Variants in FLII observed in about 807,000 individuals in gnomAD.
FLII encodes the protein protein flightless-1 homolog.
FLII carries 101 observed loss-of-function variants against 156.2 expected under a neutral mutation model. The observed-to-expected ratio is 0.65, with a 90% CI of 0.55 to 0.76. The LOEUF (loss-of-function observed/expected upper bound fraction) is 0.76. FLII is among the 30% of genes least tolerant of loss of function. The pLI is 0.00. For synonymous variants in FLII, 767 were observed against 685.8 expected, an observed-to-expected ratio of 1.12 and a Z score of -1.85; for missense variants, 1,675 against 1,682.8, an observed-to-expected ratio of 1.00 and a Z score of 0.08.
At chr17:18,251,061 TC>T in intron 13 of FLII, 44 bp from the exon 14 acceptor site, 1 of 1,582,604 alleles carries the variant, frequency 6.3e-7, no homozygotes, top group Non-Finnish European at 8.6e-7. Flanking sequence ...ATCCTGGTCT[TC>T]CGGCCACCCC....
chr17:18,256,410 C>A (rs2048418995), intron 3 of FLII, 116 bp downstream of exon 3: 3 of 791,332 alleles, frequency 3.8e-6, no homozygotes, highest in East Asian at 5.4e-5. Flanking sequence ...GCCTCTGAGC[C>A]TGACACGGAG....
intron 11 of FLII, 38 bp downstream of exon 11, chr17:18,251,961 G>A: frequency 6.2e-7 from 1 of 1,605,818 alleles, no homozygotes; most frequent in Non-Finnish European, 8.5e-7. Flanking sequence ...GGCCTGGAGA[G>A]GAGCCCCCGT....
intron 9 of FLII, 119 bp downstream of exon 9, chr17:18,253,182 G>A (rs1341703128): frequency 2.0e-6 from 2 of 988,716 alleles, no homozygotes; most frequent in African/African-American, 3.3e-5. Flanking sequence ...GAAAAGAAAA[G>A]GTGAATTAAC....
In FLII at chr17:18,253,441, C is replaced by T; in HGVS notation, c.873G>A (p.Leu291=). The T allele has an allele frequency of 6.2e-7, 1 of 1,613,870 alleles. No individual in the cohort carries two copies. The highest frequency in any genetic ancestry group is 2.2e-5 in the East Asian group (1 of 44,866). ...LTSLPSAICK[L]SKLKKLYLNS... ...TCAGGTACAGCTTCTTCAGCTTGCT[C>T]AGCTTGCAAATGGCTGACTGGAGGG... is the stretch of plus-strand genomic sequence containing the variant. Residue 291 remains leucine (L), a synonymous_variant, in exon 9 of 30, where the codon CTG becomes CTA. Transcript: ENST00000327031.
rs1406254404 is a variant in FLII, at chr17:18,258,456, G to C, written c.63+172C>G. ...CTCGGTCTCCCCGTACAGGCACTGG[G>C]CGGAGGCCTCGGAGGTCCATTCCTG... is the stretch of plus-strand genomic sequence containing the variant. On this transcript the variant is annotated intron_variant, in intron 1 of 29. Coordinates refer to ENST00000327031, the MANE Select transcript of FLII (RefSeq NM_002018.4). This position sits in a 1 kb window ranked among gnomAD's most constrained non-coding sequence, Gnocchi z 4.2. The C allele has an allele frequency of 4.0e-6, 6 of 1,509,114 alleles. No homozygotes were observed. In the Admixed American group the frequency reaches 1.0e-4, roughly 26 times the overall value. The allele number at this position is 1,509,114 out of a possible 1,614,324, so 93.5% of individuals were successfully genotyped here. A position where few individuals can be genotyped will look rare whatever the true frequency, so the allele number is the denominator to read the frequency against.
At chr17:18,254,365 G>A (rs1382006596) in intron 6 of FLII, among the ~76,000 whole-genome samples, 156 bp downstream of exon 6, 1 of 152,134 alleles carries the variant, frequency 6.6e-6, no homozygotes, top group East Asian at 1.9e-4. Context: ...CTGAGAGGTG[G>A]ACATGATACT....
At chr17:18,253,981 G>A (rs1023270266) in intron 7 of FLII, 98 bp downstream of exon 7, 21 of 903,260 alleles carry the variant, frequency 2.3e-5, no homozygotes, top group Middle Eastern at 2.2e-4. Flanking sequence ...TTCCCTCTGG[G>A]TATTGGTCCG....
intron 6 of FLII, 145 bp downstream of exon 6, chr17:18,254,376 T>C: frequency 1.2e-6 from 1 of 849,506 alleles, no homozygotes; most frequent in Non-Finnish European, 1.8e-6. Flanking sequence ...ACATGATACT[T>C]AGGAGGTTGT....
chr17:18,258,718 C>G lies in FLII; in HGVS notation c.-28G>C, dbSNP rs2048506622. The G allele has an allele frequency of 2.1e-6, 3 of 1,412,562 alleles. No individual in the cohort carries two copies. Among genetic ancestry groups the G allele is most frequent in the East Asian group, 6.1e-5 (2 of 32,576 alleles). 87.5% of individuals were successfully genotyped at this position (1,412,562 alleles called of 1,614,324 possible). A position where few individuals can be genotyped will look rare whatever the true frequency, so the allele number is the denominator to read the frequency against. ...CGCCGCTCTCGCTGCCGGGCCGCGC[C>G]GGGCTAGGGAGCGCCGGGGCGAGGG... On this transcript the variant is annotated 5_prime_UTR_variant, in exon 1 of 30. Coordinates refer to ENST00000327031, the MANE Select transcript of FLII (RefSeq NM_002018.4). This position sits in a 1 kb window ranked among gnomAD's most constrained non-coding sequence, Gnocchi z 4.2.
intron 4 of FLII, 28 bp from the exon 5 acceptor site, chr17:18,254,882 AG>A (rs1489096055): frequency 6.2e-7 from 1 of 1,610,052 alleles, no homozygotes; most frequent in East Asian, 2.2e-5. Flanking sequence ...GACCCAGGTC[AG>A]GGGAGTCTCC....
Position 18,258,486 on chromosome 17 carries a change from G to A in FLII, c.63+142C>T. The A allele has an allele frequency of 2.7e-6, 4 of 1,507,138 alleles. No homozygotes were observed. In the East Asian group the frequency reaches 8.1e-5, roughly 30 times the overall value. 93.4% of individuals were successfully genotyped at this position (1,507,138 alleles called of 1,614,324 possible). On this transcript the variant is annotated intron_variant, in intron 1 of 29. Coordinates refer to ENST00000327031, the MANE Select transcript of FLII (RefSeq NM_002018.4). The surrounding 1 kb of genome is among the most constrained non-coding windows in gnomAD (Gnocchi z 4.2). The stretch of plus-strand genomic sequence containing the variant: ...GGCCTCGGAGGTCCATTCCTGGCCA[G>A]GGGAGAGCCCCACCCCGCCCCGGCC...
chr17:18,251,114 G>A (rs2142837916), intron 13 of FLII, 97 bp from the exon 14 acceptor site: 3 of 1,446,668 alleles, frequency 2.1e-6, no homozygotes, highest in Non-Finnish European at 2.8e-6. Flanking sequence ...CAGCCCCAGG[G>A]GCTTTGTACT....
Position 18,245,355 on chromosome 17 carries a change from T to C in FLII, c.3674A>G (p.Gln1225Arg), listed in dbSNP as rs991598259. The change falls in exon 29 of 30, where the codon CAG becomes CGG. Residue 1225 changes from glutamine to arginine, a missense_variant and splice_region_variant. Gln to Arg is a conservative substitution (Grantham distance 43). Around this residue, in one of 2 missense-constraint regions of FLII, gnomAD observed 1,332 missense variants for 1,269.3 expected, o/e 1.05. Transcript: ENST00000327031. ...VEIKLSLKAC[Q>R]VYIQHMRSKE... ...CGGCCCTCCCTCCACCCAGATTACC[T>C]GGCAGGCCTTCAGGCTCAGCTTGAT... 8.7e-6 allele frequency: 14 copies of C among 1,614,086 alleles called. No homozygotes were observed. The Admixed American group carries it at 1.2e-4, about 13-fold the overall frequency.
At position 18,247,217 on chromosome 17, in the gene FLII, G is replaced by A. The variant is rs747755588; in HGVS notation, c.2628C>T (p.Asp876=). ...GCCGCGGCAGGAAAAGCGCAGTGAG[G>A]TCAGCCTTCATCTGGTCTTTCTTCT... is the stretch of plus-strand genomic sequence containing the variant. The part of the protein sequence containing the change: ...DAEKKDQMKA[D]LTALFLPRQP... The change falls in exon 21 of 30, where the codon GAC becomes GAT. Residue 876 remains aspartate, a synonymous_variant. Coordinates refer to ENST00000327031, the MANE Select transcript of FLII (RefSeq NM_002018.4). 3 of 1,598,998 alleles carry A rather than the reference G, an allele frequency of 1.9e-6. No homozygotes were observed. Among genetic ancestry groups the A allele is most frequent in the African/African-American group, 1.3e-5 (1 of 74,156 alleles).
chr17:18,245,230 G>A lies in FLII; in HGVS notation c.3718C>T (p.Arg1240Cys), dbSNP rs563225941. Residue 1240 changes from arginine to cysteine, a missense_variant, in exon 30 of 30, where the codon CGC becomes TGC. Physicochemically the swap from Arg to Cys is radical, Grantham distance 180 (BLOSUM62 -3). Around this residue, in one of 2 missense-constraint regions of FLII, gnomAD observed 1,332 missense variants for 1,269.3 expected, o/e 1.05. Transcript: ENST00000327031. ...HMRSKEHERPRRLRLVRKGNE... is the reference protein window; with the variant it reads ...HMRSKEHERPCRLRLVRKGNE... ...CCCTTGCGGACCAGGCGCAGCCGGC[G>A]CGGCCGCTCATGTTCCTTGGACCGC... is the stretch of plus-strand genomic sequence containing the variant. 35 of 1,613,894 alleles carry A rather than the reference G, an allele frequency of 2.2e-5. No homozygotes were observed. In the East Asian group the frequency reaches 3.3e-4, roughly 15 times the overall value.
In FLII at chr17:18,253,345, C is replaced by T; in HGVS notation, c.969G>A (p.Met323Ile). The T allele has an allele frequency of 6.2e-7, 1 of 1,613,944 alleles. No homozygotes were observed. The highest frequency in any genetic ancestry group is 8.5e-7 in the Non-Finnish European group (1 of 1,180,020). Residue 323 changes from methionine (M) to isoleucine (I), a missense_variant, in exon 9 of 30, where the codon ATG becomes ATA. By Grantham distance (10) the Met-to-Ile change is conservative (BLOSUM62 1). Coordinates refer to ENST00000327031, the MANE Select transcript of FLII (RefSeq NM_002018.4). ...CCAGCTCCAGGTTGTTGTTGGCAGCCATGAACTCTTCCAGGTTGGTGAGCT... is the reference window on the plus strand; with the variant it reads ...CCAGCTCCAGGTTGTTGTTGGCAGCTATGAACTCTTCCAGGTTGGTGAGCT... ...IGKLTNLEEF[M>I]AANNNLELVP... is the part of the protein sequence containing the mutation.
chr17:18,252,683 T>G, intron 9 of FLII, 127 bp from the exon 10 acceptor site: 1 of 714,170 alleles, frequency 1.4e-6, no homozygotes, highest in Non-Finnish European at 2.5e-6. Context: ...CTCCATTCTC[T>G]GCCTGAAGGA....
chr17:18,256,951 G>A lies in FLII; in HGVS notation c.132C>T (p.Gly44=), dbSNP rs1176248680. The change falls in exon 2 of 30, where the codon GGC becomes GGT. Residue 44 remains glycine, a synonymous_variant. Transcript: ENST00000327031. ...CCAGCTCCTCGGGCAGGTAGCAGAG[G>A]CCAGTGCGGTTCAGCTTCAGCCACC... ...SLRWLKLNRT[G]LCYLPEELAA... is the part of the protein sequence containing the mutation. 1 of 1,612,162 alleles carries A rather than the reference G, an allele frequency of 6.2e-7. No homozygotes were observed.
chr17:18,244,858 C>T lies in FLII; in HGVS notation c.*280G>A, dbSNP rs2047968471. On this transcript the variant is annotated 3_prime_UTR_variant, in exon 30 of 30. Transcript: ENST00000327031. Reference sequence around the variant, plus strand: ...TGATTTTTAATATTGAAAATAAAAGCATTTAATATCTCTTAAAGGGCATCC... The same window carrying T: ...TGATTTTTAATATTGAAAATAAAAGTATTTAATATCTCTTAAAGGGCATCC... The T allele has an allele frequency of 2.5e-6, 1 of 401,886 alleles. No individual in the cohort carries two copies. The highest frequency in any genetic ancestry group is 2.1e-5 in the African/African-American group (1 of 48,576). The allele number at this position is 401,886 out of a possible 1,614,324, so 24.9% of individuals were successfully genotyped here.
Sources: allele counts gnomAD v4.1 joint callset (sites outside exome capture counted in the v4.1 genomes callset), GRCh38; gene constraint gnomAD v4.1.1; regional missense constraint gnomAD v4.1.1; non-coding constraint Gnocchi (gnomAD v3.1); transcripts MANE v1.5; gene names NCBI Gene and HGNC (gene_info 2026-07-23, HGNC 2026-07-21).